Variants in OPCML observed in about 807,000 individuals in gnomAD.
OPCML encodes the protein opioid binding protein/cell adhesion molecule like.
OPCML carries 13 observed loss-of-function variants against 37.8 expected under a neutral mutation model. The observed-to-expected ratio is 0.34, with a 90% CI of 0.22 to 0.55. The LOEUF (loss-of-function observed/expected upper bound fraction) is 0.55, where lower values mean the gene tolerates loss of function less well. Among genes scored for constraint, OPCML ranks in the 20% least tolerant of loss-of-function variants. The pLI, the probability that OPCML is intolerant of heterozygous loss-of-function variation, is 0.91. For synonymous variants in OPCML, 176 were observed against 168.8 expected (o/e 1.04, Z -0.33); for missense variants, 341 against 435.6 (o/e 0.78, Z 1.93).
chr11:133,516,515 G>A (rs575421823), intron 1 of OPCML, among the ~76,000 whole-genome samples: 6 of 152,254 alleles, frequency 3.9e-5, no homozygotes, highest in South Asian at 2.1e-4. Context: ...CAGTTTTTCC[G>A]AGTTTTGCTC....
chr11:132,487,395 C>A (rs1368322075), intron 4 of OPCML, among the ~76,000 whole-genome samples: 1 of 152,214 alleles, frequency 6.6e-6, no homozygotes, highest in Non-Finnish European at 1.5e-5. Context: ...TCCAACATAC[C>A]CATGGGCCAA....
intron 3 of OPCML, among the ~76,000 whole-genome samples, chr11:132,544,407 T>A (rs1290150438): frequency 6.6e-6 from 1 of 152,224 alleles, no homozygotes; most frequent in Non-Finnish European, 1.5e-5. Context: ...GTTTAACATG[T>A]CACAATGCTG....
At chr11:132,628,662 T>A (rs1239352048) in intron 3 of OPCML, among the ~76,000 whole-genome samples, 1 of 152,086 alleles carries the variant, frequency 6.6e-6, no homozygotes, top group East Asian at 1.9e-4. Context: ...ATTACACCCT[T>A]ACACCACCTG....
chr11:133,054,580 T>A (rs999271903), intron 1 of OPCML, among the ~76,000 whole-genome samples: 4 of 152,208 alleles, frequency 2.6e-5, no homozygotes, highest in Admixed American at 6.5e-5. Flanking sequence ...GTTGGGCACA[T>A]CATCACAGGG....
chr11:132,473,945 C>T (rs547807495), intron 4 of OPCML, among the ~76,000 whole-genome samples: 2 of 152,176 alleles, frequency 1.3e-5, no homozygotes, highest in African/African-American at 2.4e-5. Context: ...ACAGCACTCT[C>T]TACAATCTAA....
chr11:133,465,079 T>C (rs1481315322), intron 1 of OPCML, among the ~76,000 whole-genome samples: 1 of 152,190 alleles, frequency 6.6e-6, no homozygotes, highest in African/African-American at 2.4e-5. Flanking sequence ...AGATGTTTTC[T>C]TTTATGGTTC....
At chr11:132,718,221 G>A (rs1170917225) in intron 2 of OPCML, among the ~76,000 whole-genome samples, 1 of 152,150 alleles carries the variant, frequency 6.6e-6, no homozygotes, top group East Asian at 1.9e-4. Flanking sequence ...TTCTCCTCGA[G>A]CTCAAGCCGT....
At chr11:132,862,199 T>C (rs1371424770) in intron 2 of OPCML, among the ~76,000 whole-genome samples, 2 of 152,188 alleles carry the variant, frequency 1.3e-5, no homozygotes, top group Non-Finnish European at 2.9e-5. Context: ...TTCCCATGTG[T>C]TAATTATTAC....
At chr11:132,827,399 T>C (rs549506530) in intron 2 of OPCML, among the ~76,000 whole-genome samples, 119 of 152,282 alleles carry the variant, frequency 7.8e-4, no homozygotes, top group South Asian at 3.1e-3. Context: ...ATTCAAAGCA[T>C]TGACAACACC....
intron 3 of OPCML, among the ~76,000 whole-genome samples, chr11:132,536,005 AAT>A (rs1174459863): frequency 6.6e-6 from 1 of 152,160 alleles, no homozygotes; most frequent in Non-Finnish European, 1.5e-5. Flanking sequence ...AACAGGAAGC[AAT>A]AGTGTCAGAA....
intron 1 of OPCML, among the ~76,000 whole-genome samples, chr11:133,150,598 C>T (rs1368844879): frequency 6.6e-6 from 1 of 152,192 alleles, no homozygotes; most frequent in Admixed American, 6.5e-5. Flanking sequence ...GTCCTGATAG[C>T]TTCCTGACTG....
intron 1 of OPCML, among the ~76,000 whole-genome samples, chr11:133,042,687 G>T (rs539335064): frequency 6.6e-6 from 1 of 152,112 alleles, no homozygotes; most frequent in African/African-American, 2.4e-5. Flanking sequence ...CTGCAGTTAC[G>T]TTCTTCCAGG....
At chr11:133,036,973 C>T (rs1166674653) in intron 1 of OPCML, among the ~76,000 whole-genome samples, 2 of 152,160 alleles carry the variant, frequency 1.3e-5, no homozygotes, top group African/African-American at 4.8e-5. Flanking sequence ...AAGACCATGA[C>T]CTTGGTCCTC....
intron 7 of OPCML, among the ~76,000 whole-genome samples, chr11:132,432,531 G>A (rs983790265): frequency 3.9e-5 from 6 of 152,138 alleles, no homozygotes; most frequent in Admixed American, 6.6e-5. Flanking sequence ...TTCAGCCAGC[G>A]AGCAGCATAG....
At chr11:132,542,294 C>G (rs2096358572) in intron 3 of OPCML, among the ~76,000 whole-genome samples, 1 of 152,176 alleles carries the variant, frequency 6.6e-6, no homozygotes, top group African/African-American at 2.4e-5. Context: ...CTCCTTGTCT[C>G]CATCAGCTCC....
At chr11:133,117,424 T>C (rs1018782346) in intron 1 of OPCML, among the ~76,000 whole-genome samples, 6 of 152,326 alleles carry the variant, frequency 3.9e-5, no homozygotes, top group African/African-American at 1.4e-4. Flanking sequence ...ACCATGGTCC[T>C]AAGGTGTTCC....
At chr11:132,879,151 G>A (rs1943133080) in intron 2 of OPCML, among the ~76,000 whole-genome samples, 1 of 152,140 alleles carries the variant, frequency 6.6e-6, no homozygotes, top group African/African-American at 2.4e-5. Context: ...AAGCACAATG[G>A]AAATCACTGA....
At chr11:132,895,495 C>T (rs191392156) in intron 2 of OPCML, among the ~76,000 whole-genome samples, 39 of 152,322 alleles carry the variant, frequency 2.6e-4, no homozygotes, top group African/African-American at 8.2e-4. Flanking sequence ...ATATGACTGA[C>T]TGAATCACAG....
At chr11:132,594,183 T>C (rs995393840) in intron 3 of OPCML, among the ~76,000 whole-genome samples, 1 of 152,188 alleles carries the variant, frequency 6.6e-6, no homozygotes, top group African/African-American at 2.4e-5. Context: ...TGAAGATTCT[T>C]TACCCTTGAG....
Sources: allele counts gnomAD v4.1 joint callset (sites outside exome capture counted in the v4.1 genomes callset), GRCh38; gene constraint gnomAD v4.1.1; transcripts MANE v1.5; gene names NCBI Gene and HGNC (gene_info 2026-07-23, HGNC 2026-07-21).